CNTN5: variants seen among roughly 807,000 people sequenced by gnomAD.
CNTN5 encodes contactin-5.
Under a neutral mutation model 129.1 loss-of-function variants are expected in CNTN5, and 77 were observed. That is an observed-to-expected ratio of 0.60 (90% CI 0.50 to 0.72). CNTN5 has a LOEUF of 0.72. Among genes scored for constraint, CNTN5 ranks in the 30% least tolerant of loss-of-function variants. CNTN5 has a pLI of 0.00. For synonymous variants in CNTN5, 509 were observed against 465.6 expected, an observed-to-expected ratio of 1.09 and a Z score of -1.20; for missense variants, 1,478 against 1,328.8, an observed-to-expected ratio of 1.11 and a Z score of -1.75.
At chr11:100,012,885 C>T (rs936988249) in intron 9 of CNTN5, among the ~76,000 whole-genome samples, 1 of 152,128 alleles carries the variant, frequency 6.6e-6, no homozygotes, top group Non-Finnish European at 1.5e-5. Context: ...ACTTATCCAA[C>T]AGCTTTCTTT....
At chr11:99,464,039 AC>A (rs1944839930) in intron 2 of CNTN5, among the ~76,000 whole-genome samples, 1 of 152,232 alleles carries the variant, frequency 6.6e-6, no homozygotes, top group Non-Finnish European at 1.5e-5. Flanking sequence ...AGCTCTCTTT[AC>A]TAATTTCTTT....
intron 2 of CNTN5, among the ~76,000 whole-genome samples, chr11:99,462,002 G>C (rs765189588): frequency 1.5e-4 from 23 of 152,112 alleles, no homozygotes; most frequent in Non-Finnish European, 3.2e-4. Flanking sequence ...ACCCACTAGT[G>C]ATTAGTAGCC....
intron 14 of CNTN5, among the ~76,000 whole-genome samples, chr11:100,192,025 G>A (rs887061566): frequency 6.6e-6 from 1 of 151,766 alleles, no homozygotes; most frequent in Admixed American, 6.6e-5. Context: ...AAATAAAAAT[G>A]TAATTAATAC....
At chr11:100,072,775 A>C (rs181638750) in intron 12 of CNTN5, among the ~76,000 whole-genome samples, 1 of 152,222 alleles carries the variant, frequency 6.6e-6, no homozygotes, top group Admixed American at 6.5e-5. Flanking sequence ...CAACAAATCC[A>C]TCCAAAATAG....
At chr11:99,671,795 G>T (rs1953055916) in intron 3 of CNTN5, among the ~76,000 whole-genome samples, 1 of 152,098 alleles carries the variant, frequency 6.6e-6, no homozygotes, top group African/African-American at 2.4e-5. Context: ...ATTGGTAATA[G>T]TAATATATTC....
At chr11:99,708,702 C>T (rs186576917) in intron 3 of CNTN5, among the ~76,000 whole-genome samples, 21 of 151,790 alleles carry the variant, frequency 1.4e-4, no homozygotes, top group African/African-American at 4.8e-4. Context: ...AATGCATCTA[C>T]TACTTGCAGC....
At chr11:99,275,121 AG>A (rs1467190073) in intron 1 of CNTN5, among the ~76,000 whole-genome samples, 3 of 151,236 alleles carry the variant, frequency 2.0e-5, no homozygotes, top group East Asian at 1.9e-4. Context: ...TGAATAAAAA[AG>A]TTTTTAAGAC....
At chr11:99,981,077 G>GATATATATATATAT (rs372749441) in intron 8 of CNTN5, among the ~76,000 whole-genome samples, 2,857 of 54,084 alleles carry the variant, frequency 0.053, 77 homozygotes, top group Non-Finnish European at 0.059. Context: ...GAGCCAATAG[G>GATATATATATATAT]ATATATATAT....
At chr11:99,185,582 A>T (rs1431537636) in intron 1 of CNTN5, among the ~76,000 whole-genome samples, 1 of 151,880 alleles carries the variant, frequency 6.6e-6, no homozygotes, top group Non-Finnish European at 1.5e-5. Context: ...TATGACCTTA[A>T]TTAAGATCTG....
intron 15 of CNTN5, among the ~76,000 whole-genome samples, chr11:100,217,651 A>C (rs934895036): frequency 2.6e-5 from 4 of 152,194 alleles, no homozygotes; most frequent in Non-Finnish European, 5.9e-5. Flanking sequence ...TAGTAAGATT[A>C]TTCTATTACT....
At position 99,355,832 on chromosome 11, in the gene CNTN5, T is replaced by TG. The variant is rs1377126457; in HGVS notation, c.-71+30348_-71+30349insG. Among the ~76,000 whole-genome samples, 28 of 150,308 alleles carry TG rather than the reference T, an allele frequency of 1.9e-4. No homozygotes were observed. The East Asian group carries it at 3.5e-3, about 19-fold the overall frequency. On this transcript the variant is annotated intron_variant, in intron 2 of 24. Coordinates refer to ENST00000524871, the MANE Select transcript of CNTN5 (RefSeq NM_014361.4). ...CATGGTTTTTTTTTGTTTTTTTTTTTTTTGTTTTTTTTGAGACGGAATCTC... is the reference window on the plus strand; with the variant it reads ...CATGGTTTTTTTTTGTTTTTTTTTTTGTTTGTTTTTTTTGAGACGGAATCTC...
chr11:100,062,065 T>A (rs1306878493), intron 10 of CNTN5, among the ~76,000 whole-genome samples: 8 of 152,198 alleles, frequency 5.3e-5, no homozygotes, highest in African/African-American at 1.9e-4. Context: ...GTTTTTACAA[T>A]CTCATCTTTA....
intron 15 of CNTN5, among the ~76,000 whole-genome samples, chr11:100,200,632 G>A (rs923775546): frequency 2.6e-5 from 4 of 151,736 alleles, no homozygotes; most frequent in Non-Finnish European, 5.9e-5. Context: ...AATTTTTGTC[G>A]GGGGCATGCT....
At chr11:99,149,970 T>C (rs780689997) in intron 1 of CNTN5, among the ~76,000 whole-genome samples, 1 of 152,068 alleles carries the variant, frequency 6.6e-6, no homozygotes. Flanking sequence ...ACTTAGATCT[T>C]TAGAGCTTAT....
intron 1 of CNTN5, among the ~76,000 whole-genome samples, chr11:99,079,343 A>G (rs1296595313): frequency 6.6e-6 from 1 of 152,106 alleles, no homozygotes; most frequent in Non-Finnish European, 1.5e-5. Context: ...GATAAACAAC[A>G]CAGCAAATCC....
intron 8 of CNTN5, among the ~76,000 whole-genome samples, chr11:99,990,332 G>A (rs1938984247): frequency 6.6e-6 from 1 of 151,644 alleles, no homozygotes; most frequent in Non-Finnish European, 1.5e-5. Flanking sequence ...CCTGATGCTT[G>A]GAAAGGGAAA....
chr11:99,074,828 G>T (rs1181553567), intron 1 of CNTN5, among the ~76,000 whole-genome samples: 3 of 152,040 alleles, frequency 2.0e-5, no homozygotes, highest in African/African-American at 7.2e-5. Context: ...AAAAGAAAAA[G>T]AAAAAGAAAA....
chr11:100,207,354 C>G (rs1254527135), intron 15 of CNTN5, among the ~76,000 whole-genome samples: 2 of 152,068 alleles, frequency 1.3e-5, no homozygotes, highest in Non-Finnish European at 2.9e-5. Context: ...AATAATCTGA[C>G]TGATAATTTT....
chr11:99,315,773 G>A (rs375575123), intron 1 of CNTN5, among the ~76,000 whole-genome samples: 14 of 149,094 alleles, frequency 9.4e-5, no homozygotes, highest in African/African-American at 3.4e-4. Flanking sequence ...AAATTAGAAG[G>A]TGACAGGGAT....
Sources: gnomAD v4.1 joint callset for allele counts (sites outside exome capture counted in the v4.1 genomes callset) on GRCh38, gnomAD v4.1.1 for gene constraint, MANE v1.5 for transcripts, NCBI Gene and HGNC (gene_info 2026-07-23, HGNC 2026-07-21) for gene names.